Variants in ZNF512B observed in about 807,000 individuals in gnomAD.
ZNF512B encodes zinc finger protein 512B.
ZNF512B carries 22 observed loss-of-function variants against 87.8 expected under a neutral mutation model. The ratio of observed to expected loss-of-function variants is 0.25; its 90% CI spans 0.18 to 0.36. The LOEUF is 0.36. ZNF512B is among the 10% of genes least tolerant of loss of function. The probability of loss-of-function intolerance (pLI) is 1.00; values close to 1 mark genes in which losing one functional copy is unlikely to be tolerated. For synonymous variants in ZNF512B, 524 were observed against 490.9 expected, an observed-to-expected ratio of 1.07 and a Z score of -0.89; for missense variants, 1,060 against 1,231.6, an observed-to-expected ratio of 0.86 and a Z score of 2.09.
intron 16 of ZNF512B, 22 bp from the exon 17 acceptor site, chr20:63,960,161 T>C: frequency 6.2e-7 from 1 of 1,612,456 alleles, no homozygotes; most frequent in Non-Finnish European, 8.5e-7. Flanking sequence ...AAAGCGCTGA[T>C]GAAGACCTGG....
chr20:63,963,028 C>T, intron 12 of ZNF512B, 67 bp downstream of exon 12: 1 of 1,466,746 alleles, frequency 6.8e-7, no homozygotes, highest in Non-Finnish European at 9.0e-7. Context: ...AGTTGGCACC[C>T]AAGGCACACG....
At chr20:63,969,538 C>CGGGCGCG (rs1307558854) in intron 1 of ZNF512B, among the ~76,000 whole-genome samples, 1 of 149,780 alleles carries the variant, frequency 6.7e-6, no homozygotes, top group Non-Finnish European at 1.5e-5. Flanking sequence ...GGGCCGGGAG[C>CGGGCGCG]GGGCGCGGGG....
intron 1 of ZNF512B, among the ~76,000 whole-genome samples, chr20:63,968,772 G>A (rs2058952788): frequency 6.6e-6 from 1 of 152,254 alleles, no homozygotes; most frequent in Admixed American, 6.5e-5. Flanking sequence ...AGTCGTGGAA[G>A]CACCAGCAGT....
chr20:63,968,030 C>T, intron 1 of ZNF512B, 78 bp from the exon 2 acceptor site: 1 of 1,532,238 alleles, frequency 6.5e-7, no homozygotes. Flanking sequence ...TGGAGCCCTG[C>T]CCTTGGCAGG....
rs1256585760 is a variant in ZNF512B, at chr20:63,966,512, G to A, written c.663C>T (p.Pro221=). The A allele has an allele frequency of 6.2e-7, 1 of 1,614,040 alleles. No individual in the cohort carries two copies. Among genetic ancestry groups the A allele is most frequent in the Admixed American group, 1.7e-5 (1 of 60,008 alleles). ...GISKPVSVGR[P]MPVTKAIPVT... ...CCGGGATGGCCTTGGTGACTGGCAT[G>A]GGTCTGCCGACCGAGACTGGCTTGC... Residue 221 remains proline (P), a synonymous_variant, in exon 5 of 17, where the codon CCC becomes CCT. Transcript: ENST00000369888.
chr20:63,966,523 C>A lies in ZNF512B; in HGVS notation c.652G>T (p.Val218Phe), dbSNP rs769710351. The change falls in exon 5 of 17, where the codon GTC (valine) becomes TTC (phenylalanine). Residue 218 changes from valine to phenylalanine, a missense_variant. Val to Phe is a conservative substitution (Grantham distance 50). This residue lies in a region of ZNF512B where 201 missense variants were observed against 226.8 expected (regional missense o/e 0.89). Transcript: ENST00000369888. ...TTGGTGACTGGCATGGGTCTGCCGA[C>A]CGAGACTGGCTTGCTGATGCCAATG... ...KPIGISKPVS[V>F]GRPMPVTKAI... 6.2e-7 allele frequency: 1 copy of A among 1,614,110 alleles called. No individual in the cohort carries two copies. Among genetic ancestry groups the A allele is most frequent in the South Asian group, 1.1e-5 (1 of 91,076 alleles).
Position 63,967,477 on chromosome 20 carries a change from A to T in ZNF512B, c.168T>A (p.Pro56=), listed in dbSNP as rs1337728544. The change falls in exon 3 of 17, where the codon CCT becomes CCA. Residue 56 remains proline, a synonymous_variant. Coordinates refer to ENST00000369888, the MANE Select transcript of ZNF512B (RefSeq NM_020713.3). ...RGGQTVPGQA[P]LCFDPGSPAS... ...CTGGACTTCCCGGGTCAAAGCAGAG[A>T]GGGGCCTGGCCGGGCACTGTCTGTC... 1 of 1,612,412 alleles carries T rather than the reference A, an allele frequency of 6.2e-7. No homozygotes were observed. Among genetic ancestry groups the T allele is most frequent in the East Asian group, 2.2e-5 (1 of 44,838 alleles).
In ZNF512B at chr20:63,962,307, A is replaced by G. The variant is rs1314567934; in HGVS notation, c.2231T>C (p.Val744Ala). The change falls in exon 14 of 17, where the codon GTG becomes GCG. Residue 744 changes from valine (V) to alanine (A), a missense_variant. Physicochemically the swap from Val to Ala is moderately conservative, Grantham distance 64. Around this residue, in one of 9 missense-constraint regions of ZNF512B, gnomAD observed 253 missense variants for 259.2 expected, o/e 0.98. Coordinates refer to ENST00000369888, the MANE Select transcript of ZNF512B (RefSeq NM_020713.3). ...ACAGTTGACGTGGCCTTTCTCCTTC[A>G]CTTCATTCTTCCATGCCTCTAGCAG... Reference protein sequence around the residue: ...PQLLEAWKNEVKEKGHVNCPN... With the variant: ...PQLLEAWKNEAKEKGHVNCPN... 6.2e-7 allele frequency: 1 copy of G among 1,612,334 alleles called. No individual in the cohort carries two copies. Among genetic ancestry groups the G allele is most frequent in the East Asian group, 2.2e-5 (1 of 44,872 alleles).
Position 63,967,830 on chromosome 20 carries a change from C to G in ZNF512B, c.121G>C (p.Gly41Arg). 1 of 1,611,108 alleles carries G rather than the reference C, an allele frequency of 6.2e-7. No homozygotes were observed. Among genetic ancestry groups the G allele is most frequent in the Non-Finnish European group, 8.5e-7 (1 of 1,178,334 alleles). The change falls in exon 2 of 17, where the codon GGG (glycine) becomes CGG (arginine). Residue 41 changes from glycine (G) to arginine (R), a missense_variant and splice_region_variant. By Grantham distance (125) the Gly-to-Arg change is moderately radical. Coordinates refer to ENST00000369888, the MANE Select transcript of ZNF512B (RefSeq NM_020713.3). ...LPMLHDPPKM[G>R]MPVVRGGQTV... ...TGACTCTGGCCCTGACTCCTCTTAC[C>G]CATCTTCGGTGGGTCATGCAGCATT...
rs1242105964 is a variant in ZNF512B at position 63,957,953 on chromosome 20, C to G, written c.*1935G>C. 1 of 152,288 alleles carries G rather than the reference C, an allele frequency of 6.6e-6. No individual in the cohort carries two copies. Among genetic ancestry groups the G allele is most frequent in the Non-Finnish European group, 1.5e-5 (1 of 68,120 alleles). 9.4% of individuals were successfully genotyped at this position (152,288 alleles called of 1,614,324 possible). On this transcript the variant is annotated 3_prime_UTR_variant, in exon 17 of 17. Coordinates refer to ENST00000369888, the MANE Select transcript of ZNF512B (RefSeq NM_020713.3). ...ACAGGAAGGAATGCCTCCCCCGACC[C>G]TCTGACGCTGGGTCACGCCCATCTC...
At position 63,967,375 on chromosome 20, in the gene ZNF512B, G is replaced by A; in HGVS notation, c.264+6C>T. On this transcript the variant is annotated splice_donor_region_variant and intron_variant, in intron 3 of 16. Coordinates refer to ENST00000369888, the MANE Select transcript of ZNF512B (RefSeq NM_020713.3). Reference sequence around the variant, plus strand: ...TGAGCCCCACCATGGCCCTGAGGGAGCTCACAGGAATGTCTCGGAGGGCCT... The same window carrying A: ...TGAGCCCCACCATGGCCCTGAGGGAACTCACAGGAATGTCTCGGAGGGCCT... 6.3e-7 allele frequency: 1 copy of A among 1,598,228 alleles called. No homozygotes were observed. The highest frequency in any genetic ancestry group is 8.5e-7 in the Non-Finnish European group (1 of 1,170,564).
Position 63,964,093 on chromosome 20 carries a change from G to A in ZNF512B, c.1458C>T (p.Ala486=). The A allele has an allele frequency of 1.2e-6, 2 of 1,609,862 alleles. No individual in the cohort carries two copies. Among genetic ancestry groups the A allele is most frequent in the Non-Finnish European group, 8.5e-7 (1 of 1,179,498 alleles). Residue 486 remains alanine, a synonymous_variant, in exon 8 of 17, where the codon GCC becomes GCT. Coordinates refer to ENST00000369888, the MANE Select transcript of ZNF512B (RefSeq NM_020713.3). ...APITVSKEAP[A]PVAHPAPGGP... is the part of the protein sequence containing the mutation. ...TACCTGGAGCTGGGTGGGCCACAGGGGCCGGTGCCTCCTTGCTGACAGTGA... is the reference window on the plus strand; with the variant it reads ...TACCTGGAGCTGGGTGGGCCACAGGAGCCGGTGCCTCCTTGCTGACAGTGA...
chr20:63,967,362 T>C lies in ZNF512B; in HGVS notation c.264+19A>G, dbSNP rs1440968361. On this transcript the variant is annotated intron_variant, in intron 3 of 16. Transcript: ENST00000369888. ...GGAGACCCCAGCATGAGCCCCACCA[T>C]GGCCCTGAGGGAGCTCACAGGAATG... The C allele has an allele frequency of 6.3e-7, 1 of 1,580,402 alleles. No individual in the cohort carries two copies. Among genetic ancestry groups the C allele is most frequent in the Non-Finnish European group, 8.6e-7 (1 of 1,160,166 alleles).
At position 63,969,893 on chromosome 20, in the gene ZNF512B, C is replaced by A. The variant is rs1427235960; in HGVS notation, c.-82G>T. On this transcript the variant is annotated 5_prime_UTR_variant, in exon 1 of 17. Transcript: ENST00000369888. ...CGGGGCGCGGGGCGCTGGGTCCGGG[C>A]GGCGCAGGCTGCGCGCCGCGCTGCG... 2.1e-5 allele frequency: 3 copies of A among 145,788 alleles called. No homozygotes were observed. The highest frequency in any genetic ancestry group is 6.8e-5 in the Admixed American group (1 of 14,732). 9.0% of individuals were successfully genotyped at this position (145,788 alleles called of 1,614,324 possible).
intron 1 of ZNF512B, among the ~76,000 whole-genome samples, 172 bp downstream of exon 1, chr20:63,969,642 G>A (rs1215054502): frequency 1.4e-5 from 2 of 145,122 alleles, no homozygotes; most frequent in Non-Finnish European, 3.1e-5. Context: ...TCTGGAGAAG[G>A]AGGAGGCAGG....
chr20:63,957,839 C>G lies in ZNF512B; in HGVS notation c.*2049G>C, dbSNP rs1310899017. 1 of 151,898 alleles carries G rather than the reference C, an allele frequency of 6.6e-6. No individual in the cohort carries two copies. Among genetic ancestry groups the G allele is most frequent in the Non-Finnish European group, 1.5e-5 (1 of 67,938 alleles). The allele number at this position is 151,898 out of a possible 1,614,324, so 9.4% of individuals were successfully genotyped here. On this transcript the variant is annotated 3_prime_UTR_variant, in exon 17 of 17. Coordinates refer to ENST00000369888, the MANE Select transcript of ZNF512B (RefSeq NM_020713.3). ...TGCCTGCTCCCCTCCCCTCCCCTCC[C>G]CTCCCCTCATGAGGCTGCCCCAGCA...
In ZNF512B at chr20:63,966,819, G is replaced by C. The variant is rs533351370; in HGVS notation, c.394-38C>G. On this transcript the variant is annotated intron_variant, in intron 4 of 16. Transcript: ENST00000369888. ...GGGAAGGTTTGGGACAGGGCCCCAA[G>C]GGCCTCTGCCCAAACACACCCCGAG... 3 of 1,608,276 alleles carry C rather than the reference G, an allele frequency of 1.9e-6. No homozygotes were observed. In the Admixed American group the frequency reaches 5.0e-5, roughly 27 times the overall value.
intron 2 of ZNF512B, 147 bp from the exon 3 acceptor site, chr20:63,967,670 C>T (rs1026790899): frequency 6.7e-7 from 1 of 1,482,104 alleles, no homozygotes; most frequent in East Asian, 2.3e-5. Flanking sequence ...AACCCAGGAC[C>T]CTGGGCTATG....
chr20:63,962,756 G>A lies in ZNF512B; in HGVS notation c.1994C>T (p.Ser665Phe), dbSNP rs1459023002. The A allele has an allele frequency of 1.9e-6, 3 of 1,602,148 alleles. No individual in the cohort carries two copies. Among genetic ancestry groups the A allele is most frequent in the East Asian group, 2.2e-5 (1 of 44,564 alleles). ...ACCCAGCGGGTCCTCAGCCTCAGGGGACTTGTCTGTGGGCTCCTCAGGGGG... is the reference window on the plus strand; with the variant it reads ...ACCCAGCGGGTCCTCAGCCTCAGGGAACTTGTCTGTGGGCTCCTCAGGGGG... The part of the protein sequence containing the change: ...APPPEEPTDK[S>F]PEAEDPLGVE... The change falls in exon 13 of 17, where the codon TCC (serine) becomes TTC (phenylalanine). Residue 665 changes from serine to phenylalanine, a missense_variant. This residue lies in a region of ZNF512B where 165 missense variants were observed against 173.0 expected (regional missense o/e 0.95). Coordinates refer to ENST00000369888, the MANE Select transcript of ZNF512B (RefSeq NM_020713.3).
Sources: gnomAD v4.1 joint callset for allele counts (sites outside exome capture counted in the v4.1 genomes callset) on GRCh38, gnomAD v4.1.1 for gene constraint, gnomAD v4.1.1 regional missense constraint, MANE v1.5 for transcripts, NCBI Gene and HGNC (gene_info 2026-07-23, HGNC 2026-07-21) for gene names.